CSMD3: variants seen among roughly 807,000 people sequenced by gnomAD.
The protein encoded by CSMD3 is CUB and sushi domain-containing protein 3.
In CSMD3, 177 loss-of-function variants were observed where a neutral mutation model predicts 435.2. The observed-to-expected ratio is 0.41, with a 90% CI of 0.36 to 0.46. CSMD3 has a LOEUF of 0.46. Ranked by LOEUF, CSMD3 falls within the 20% of genes least tolerant of loss-of-function variation. CSMD3 has a pLI of 0.34. For synonymous variants in CSMD3, 1,656 were observed against 1,520.5 expected (o/e 1.09, Z -2.07); for missense variants, 4,265 against 4,504.6 (o/e 0.95, Z 1.52).
intron 1 of CSMD3, among the ~76,000 whole-genome samples, chr8:113,401,643 T>A (rs2094510624): frequency 6.6e-6 from 1 of 151,676 alleles, no homozygotes; most frequent in South Asian, 2.1e-4. Context: ...AAAGTTCTAG[T>A]AAAATAAAAT....
At chr8:112,637,320 A>G (rs543311918) in intron 21 of CSMD3, among the ~76,000 whole-genome samples, 23 of 152,248 alleles carry the variant, frequency 1.5e-4, no homozygotes, top group African/African-American at 5.3e-4. Flanking sequence ...TATTTCATAT[A>G]TTTTCGACTT....
At chr8:113,203,856 A>G (rs1298182576) in intron 3 of CSMD3, among the ~76,000 whole-genome samples, 1 of 152,098 alleles carries the variant, frequency 6.6e-6, no homozygotes, top group Non-Finnish European at 1.5e-5. Flanking sequence ...CTCTTTAACA[A>G]TGTACTATCT....
intron 5 of CSMD3, among the ~76,000 whole-genome samples, chr8:113,020,986 A>G (rs569485223): frequency 7.2e-5 from 11 of 152,346 alleles, no homozygotes; most frequent in African/African-American, 2.6e-4. Context: ...CCACCTGCCC[A>G]TTAAAATGTA....
At chr8:112,686,135 G>A (rs927374315) in intron 14 of CSMD3, among the ~76,000 whole-genome samples, 1 of 152,120 alleles carries the variant, frequency 6.6e-6, no homozygotes, top group Non-Finnish European at 1.5e-5. Context: ...ACAAGAATCC[G>A]GTAGCTCAGA....
At chr8:112,937,774 T>C (rs936426101) in intron 9 of CSMD3, among the ~76,000 whole-genome samples, 7 of 152,180 alleles carry the variant, frequency 4.6e-5, no homozygotes, top group African/African-American at 1.7e-4. Flanking sequence ...TGTTACTGTT[T>C]CTGTATTGTC....
At chr8:112,505,941 C>T (rs1390778249) in intron 29 of CSMD3, among the ~76,000 whole-genome samples, 3 of 152,044 alleles carry the variant, frequency 2.0e-5, no homozygotes, top group Non-Finnish European at 4.4e-5. Context: ...AAGTTATCAA[C>T]TAGAATAATT....
rs143225558 is a variant in CSMD3 at position 113,384,442 on chromosome 8, G to A, written c.178+52235C>T. 1.0e-3 allele frequency among the ~76,000 whole-genome samples: 158 copies of A among 152,266 alleles called. 1 individual carries two copies. Among genetic ancestry groups the A allele is most frequent in the African/African-American group, 3.6e-3 (148 of 41,556 alleles). The stretch of plus-strand genomic sequence containing the variant: ...TACTAAGTGTTTCAATAGAAAGAAC[G>A]TATGTTTAGAAGCTGCTAAAGGATA... On this transcript the variant is annotated intron_variant, in intron 1 of 70. Transcript: ENST00000297405.
At chr8:112,251,190 C>G (rs1214948118) in intron 63 of CSMD3, among the ~76,000 whole-genome samples, 2 of 151,664 alleles carry the variant, frequency 1.3e-5, no homozygotes, top group East Asian at 3.9e-4. Flanking sequence ...TTATTAAGGT[C>G]TCAAAAACGT....
At chr8:112,587,592 T>C (rs2131356331) in intron 22 of CSMD3, among the ~76,000 whole-genome samples, 1 of 152,024 alleles carries the variant, frequency 6.6e-6, no homozygotes, top group Non-Finnish European at 1.5e-5. Context: ...AATTTAGCTC[T>C]TTTAAATGAA....
intron 16 of CSMD3, among the ~76,000 whole-genome samples, chr8:112,678,282 G>A (rs2075811034): frequency 6.6e-6 from 1 of 152,142 alleles, no homozygotes; most frequent in Admixed American, 6.5e-5. Context: ...TAAATATCTA[G>A]ATGAAGTTGA....
intron 12 of CSMD3, among the ~76,000 whole-genome samples, chr8:112,811,577 A>G (rs901208282): frequency 3.0e-4 from 46 of 152,134 alleles, no homozygotes; most frequent in African/African-American, 1.1e-3. Flanking sequence ...ATAAAGATAG[A>G]AGTGTATATT....
At chr8:112,769,960 C>A (rs1235089263) in intron 13 of CSMD3, among the ~76,000 whole-genome samples, 1 of 151,646 alleles carries the variant, frequency 6.6e-6, no homozygotes, top group African/African-American at 2.4e-5. Flanking sequence ...CTACAATGAA[C>A]CAAAATTAAA....
chr8:113,386,967 T>G (rs557859244), intron 1 of CSMD3, among the ~76,000 whole-genome samples: 214 of 151,950 alleles, frequency 1.4e-3, no homozygotes, highest in African/African-American at 5.0e-3. Context: ...ATATACATTA[T>G]AAAGCATTTC....
At chr8:112,566,040 C>CT (rs566193975) in intron 24 of CSMD3, among the ~76,000 whole-genome samples, 33,624 of 141,770 alleles carry the variant, frequency 0.24, 4,200 homozygotes, top group East Asian at 0.47. Flanking sequence ...CTCTCTCTCT[C>CT]TTTTTTTTTT....
At chr8:113,079,083 T>C (rs1405745690) in intron 5 of CSMD3, among the ~76,000 whole-genome samples, 4 of 152,104 alleles carry the variant, frequency 2.6e-5, no homozygotes, top group Non-Finnish European at 5.9e-5. Context: ...CCAGAAAAAA[T>C]ATATTTGAAT....
intron 5 of CSMD3, among the ~76,000 whole-genome samples, chr8:113,056,664 T>C (rs1337128625): frequency 1.3e-5 from 2 of 152,210 alleles, no homozygotes; most frequent in African/African-American, 4.8e-5. Context: ...AATCCTCTTC[T>C]GCTTCCAAAA....
chr8:112,647,302 C>CT (rs35978527), intron 19 of CSMD3, among the ~76,000 whole-genome samples: 28,041 of 137,004 alleles, frequency 0.2, 3,155 homozygotes, highest in Non-Finnish European at 0.23. Flanking sequence ...TTTCAAATCA[C>CT]TTTTTTTTTT....
At chr8:112,921,551 A>C in intron 10 of CSMD3, 76 bp downstream of exon 10, 2 of 1,185,382 alleles carry the variant, frequency 1.7e-6, no homozygotes, top group Admixed American at 1.7e-5. Flanking sequence ...TCAAAGACTT[A>C]ATTGCAACTT....
chr8:113,309,863 C>T (rs908151334), intron 2 of CSMD3: 1 of 152,174 alleles, frequency 6.6e-6, no homozygotes, highest in Non-Finnish European at 1.5e-5. Flanking sequence ...TTCTAGAATA[C>T]TGTTGACCAA....
Sources: allele counts gnomAD v4.1 joint callset (sites outside exome capture counted in the v4.1 genomes callset), GRCh38; gene constraint gnomAD v4.1.1; transcripts MANE v1.5; gene names NCBI Gene and HGNC (gene_info 2026-07-23, HGNC 2026-07-21).